LGR4: variants seen among roughly 807,000 people sequenced by gnomAD.
LGR4 encodes the protein leucine-rich repeat-containing G protein-coupled receptor 4.
A neutral mutation model predicts 84.8 loss-of-function variants in LGR4; 44 were observed. The observed-to-expected ratio is 0.52, with a 90% CI of 0.41 to 0.67. The LOEUF (loss-of-function observed/expected upper bound fraction) is 0.67, where lower values mean the gene tolerates loss of function less well. LGR4 is among the 30% of genes least tolerant of loss of function. The pLI, the probability that LGR4 is intolerant of heterozygous loss-of-function variation, is 0.00. For synonymous variants in LGR4, 429 were observed against 434.3 expected (o/e 0.99, Z 0.15); for missense variants, 1,032 against 1,131.4 (o/e 0.91, Z 1.26).
In LGR4 at chr11:27,453,077, C is replaced by CT. The variant is rs1210982088; in HGVS notation, c.185+19040dup. On this transcript the variant is annotated intron_variant, in intron 1 of 17. Transcript: ENST00000379214. Reference sequence around the variant, plus strand: ...TTGTCACTATGGGGTAGGGAGAAACCTTTTTTTTTGAGACAGGGTCTAGCT... The same window carrying CT: ...TTGTCACTATGGGGTAGGGAGAAACCTTTTTTTTTTGAGACAGGGTCTAGCT... Among the ~76,000 whole-genome samples, 18 of 148,430 alleles carry CT rather than the reference C, an allele frequency of 1.2e-4. No individual in the cohort carries two copies. The East Asian group carries it at 1.6e-3, about 13-fold the overall frequency.
chr11:27,419,699 T>C, intron 1 of LGR4, among the ~76,000 whole-genome samples: 1 of 150,052 alleles, frequency 6.7e-6, no homozygotes, highest in South Asian at 2.1e-4. Context: ...CCTAAATTAG[T>C]GAATGGATAA....
intron 1 of LGR4, among the ~76,000 whole-genome samples, chr11:27,436,812 A>T (rs1388460207): frequency 1.3e-5 from 2 of 152,046 alleles, no homozygotes; most frequent in Non-Finnish European, 2.9e-5. Context: ...GCTGCAGGTA[A>T]CTCTAACCCT....
intron 11 of LGR4, 107 bp downstream of exon 11, chr11:27,378,590 T>C: frequency 1.3e-6 from 1 of 793,240 alleles, no homozygotes; most frequent in Non-Finnish European, 2.1e-6. Flanking sequence ...TAAGAAGTAA[T>C]TATACCTCAA....
intron 1 of LGR4, among the ~76,000 whole-genome samples, chr11:27,454,249 G>A (rs912148274): frequency 1.3e-5 from 2 of 152,222 alleles, no homozygotes; most frequent in African/African-American, 2.4e-5. Context: ...CATCTCACAG[G>A]TATTGATTGA....
Position 27,368,503 on chromosome 11 carries a change from GT to G in LGR4, c.2219del (p.Asn740ThrfsTer6). On this transcript the variant is annotated frameshift_variant, in exon 18 of 18. Coordinates refer to ENST00000379214, the MANE Select transcript of LGR4 (RefSeq NM_018490.5). LOFTEE classifies it high-confidence loss of function. ...CATGCTTAATCATGCTAGATTGTGA[GT>G]TTTCTGAGAGGTCCTCTTTTTCCAA... ...CNLEKEDLSE[N>X]SQSSMIKHVA... 1 of 1,614,216 alleles carries G rather than the reference GT, an allele frequency of 6.2e-7. No homozygotes were observed. The highest frequency in any genetic ancestry group is 8.5e-7 in the Non-Finnish European group (1 of 1,180,036).
intron 2 of LGR4, among the ~76,000 whole-genome samples, chr11:27,401,936 TAG>T (rs942404253): frequency 3.8e-4 from 58 of 152,110 alleles, no homozygotes; most frequent in African/African-American, 1.4e-3. Context: ...TGGTGAGAAG[TAG>T]AGAGTGCAAG....
chr11:27,426,550 C>A (rs2133415501), intron 1 of LGR4, among the ~76,000 whole-genome samples: 1 of 152,292 alleles, frequency 6.6e-6, no homozygotes, highest in East Asian at 1.9e-4. Flanking sequence ...TAACCCTGGG[C>A]AAGTCCCTTA....
At position 27,376,387 on chromosome 11, in the gene LGR4, G is replaced by T. The variant is rs368594722; in HGVS notation, c.1110-17C>A. 577 of 1,323,692 alleles carry T rather than the reference G, an allele frequency of 4.4e-4. 4 individuals carry two copies. Among genetic ancestry groups the T allele is most frequent in the Non-Finnish European group, 6.6e-5 (62 of 943,364 alleles). The allele number at this position is 1,323,692 out of a possible 1,614,324, so 82.0% of individuals were successfully genotyped here. Reference sequence around the variant, plus strand: ...TGTAAAGAACTAAATAAAAAAAGAAGAAGAAAGAAGACGAAGACAAAGACA... The same window carrying T: ...TGTAAAGAACTAAATAAAAAAAGAATAAGAAAGAAGACGAAGACAAAGACA... On this transcript the variant is annotated splice_polypyrimidine_tract_variant and intron_variant, in intron 12 of 17. Coordinates refer to ENST00000379214, the MANE Select transcript of LGR4 (RefSeq NM_018490.5).
At chr11:27,456,364 C>G (rs991520725) in intron 1 of LGR4, among the ~76,000 whole-genome samples, 7 of 152,096 alleles carry the variant, frequency 4.6e-5, no homozygotes, top group Non-Finnish European at 5.9e-5. Flanking sequence ...AAATTAATAC[C>G]AAGTTGACTA....
intron 1 of LGR4, among the ~76,000 whole-genome samples, chr11:27,467,467 C>T (rs1452740089): frequency 6.6e-6 from 1 of 151,232 alleles, no homozygotes; most frequent in South Asian, 2.1e-4. Flanking sequence ...ACTCGGGAGG[C>T]TGAGACAGAG....
chr11:27,388,474 A>C (rs919857170), intron 4 of LGR4, among the ~76,000 whole-genome samples: 2 of 152,188 alleles, frequency 1.3e-5, no homozygotes, highest in Non-Finnish European at 2.9e-5. Flanking sequence ...ATGTGGTAAG[A>C]GATTAAACTA....
chr11:27,409,192 C>T (rs968204337), intron 2 of LGR4, among the ~76,000 whole-genome samples: 2 of 152,030 alleles, frequency 1.3e-5, no homozygotes, highest in Admixed American at 6.6e-5. Flanking sequence ...AGAACAAATA[C>T]ATATCACTCA....
At chr11:27,430,189 A>C (rs1864092859) in intron 1 of LGR4, among the ~76,000 whole-genome samples, 1 of 152,194 alleles carries the variant, frequency 6.6e-6, no homozygotes, top group African/African-American at 2.4e-5. Context: ...AATTAATTCA[A>C]AGACACCATC....
chr11:27,472,761 G>C lies in LGR4; in HGVS notation c.-459C>G, dbSNP rs980977759. ...CCCAGCCGCGGCTCAATCTCTTCCC[G>C]TCCTTTTCCCTTCTAGGGTTGCACG... is the stretch of plus-strand genomic sequence containing the variant. On this transcript the variant is annotated 5_prime_UTR_variant, in exon 1 of 18. Coordinates refer to ENST00000379214, the MANE Select transcript of LGR4 (RefSeq NM_018490.5). The C allele has an allele frequency of 8.7e-6, 3 of 343,826 alleles. No homozygotes were observed. The highest frequency in any genetic ancestry group is 1.6e-5 in the Non-Finnish European group (3 of 191,558). The allele number at this position is 343,826 out of a possible 1,614,324, so 21.3% of individuals were successfully genotyped here.
chr11:27,414,488 A>C (rs1863775032), intron 1 of LGR4, among the ~76,000 whole-genome samples: 1 of 152,132 alleles, frequency 6.6e-6, no homozygotes, highest in Non-Finnish European at 1.5e-5. Flanking sequence ...ATTTCTTAGC[A>C]CAAGAAATTT....
chr11:27,449,773 T>C (rs1864452170), intron 1 of LGR4, among the ~76,000 whole-genome samples: 1 of 152,236 alleles, frequency 6.6e-6, no homozygotes. Flanking sequence ...TATAATTAGC[T>C]GAATATTCTA....
chr11:27,427,110 G>C (rs1398764050), intron 1 of LGR4, among the ~76,000 whole-genome samples: 2 of 152,142 alleles, frequency 1.3e-5, no homozygotes, highest in Non-Finnish European at 2.9e-5. Context: ...GCTTGGAGAA[G>C]TTTAATAAAT....
chr11:27,429,686 A>G (rs146820924), intron 1 of LGR4, among the ~76,000 whole-genome samples: 6 of 152,352 alleles, frequency 3.9e-5, no homozygotes, highest in African/African-American at 1.4e-4. Context: ...AATCTCACGC[A>G]TATTAACCAT....
intron 1 of LGR4, among the ~76,000 whole-genome samples, chr11:27,413,091 C>T (rs901217217): frequency 6.6e-6 from 1 of 152,024 alleles, no homozygotes; most frequent in Non-Finnish European, 1.5e-5. Flanking sequence ...CCTGTATTTT[C>T]CCCTCTTAAG....
Sources: gnomAD v4.1 joint callset for allele counts (sites outside exome capture counted in the v4.1 genomes callset) on GRCh38, gnomAD v4.1.1 for gene constraint, MANE v1.5 for transcripts, NCBI Gene and HGNC (gene_info 2026-07-23, HGNC 2026-07-21) for gene names.